The following COG5 variants were observed in gnomAD, a reference collection of about 807,000 sequenced individuals.
COG5 encodes the protein component of oligomeric golgi complex 5, also known as conserved oligomeric Golgi complex subunit 5.
In COG5, 86 loss-of-function variants were observed where a neutral mutation model predicts 110.4. The observed-to-expected ratio is 0.78, with a 90% confidence interval of 0.65 to 0.93. COG5 has a LOEUF of 0.93. Ranked by LOEUF, COG5 falls within the 40% of genes least tolerant of loss-of-function variation. The probability of loss-of-function intolerance (pLI) is 0.00; values close to 1 mark genes in which losing one functional copy is unlikely to be tolerated. For synonymous variants in COG5, 360 were observed against 334.6 expected (o/e 1.08, Z -0.83); for missense variants, 1,077 against 987.0 (o/e 1.09, Z -1.22).
At position 107,376,536 on chromosome 7, in the gene COG5, G is replaced by T. The variant is rs538630229; in HGVS notation, c.670-3776C>A. Among the ~76,000 whole-genome samples the T allele has an allele frequency of 2.0e-5, 3 of 151,656 alleles. No homozygotes were observed. In the East Asian group the frequency reaches 5.8e-4, roughly 29 times the overall value. ...TTTCTATTATTTTTTGATATAAATTGTATGTTTTTAAATTTTTTGTAAACA... is the reference window on the plus strand; with the variant it reads ...TTTCTATTATTTTTTGATATAAATTTTATGTTTTTAAATTTTTTGTAAACA... On this transcript the variant is annotated intron_variant, in intron 7 of 21. Transcript: ENST00000297135.
intron 14 of COG5, among the ~76,000 whole-genome samples, chr7:107,274,344 CT>C (rs1259865936): frequency 6.6e-6 from 1 of 152,094 alleles, no homozygotes; most frequent in East Asian, 1.9e-4. Context: ...CATGAGCTCT[CT>C]TTTTTCATTG....
At chr7:107,271,424 T>C (rs1381461705) in intron 14 of COG5, among the ~76,000 whole-genome samples, 1 of 152,128 alleles carries the variant, frequency 6.6e-6, no homozygotes, top group East Asian at 1.9e-4. Flanking sequence ...GAATAGTATA[T>C]ATACCATCAT....
At chr7:107,472,466 T>C (rs1454514342) in intron 6 of COG5, 3 of 152,002 alleles carry the variant, frequency 2.0e-5, no homozygotes, top group African/African-American at 4.8e-5. Context: ...AATCTTGCTC[T>C]AGAGAAAATG....
intron 6 of COG5, chr7:107,449,998 G>C (rs974391132): frequency 6.6e-6 from 1 of 152,158 alleles, no homozygotes; most frequent in African/African-American, 2.4e-5. Flanking sequence ...TCCCAGCAAA[G>C]GATGGTTTAA....
At position 107,299,368 on chromosome 7, in the gene COG5, A is replaced by T. The variant is rs907143333; in HGVS notation, c.1109-1022T>A. On this transcript the variant is annotated intron_variant, in intron 11 of 21. Transcript: ENST00000297135. ...CATTACATATTACAAAATATTCTGC[A>T]GATACTGAAAGGGTAATAAAGGAAT... Among the ~76,000 whole-genome samples, 4 of 152,262 alleles carry T rather than the reference A, an allele frequency of 2.6e-5. No homozygotes were observed. In the South Asian group the frequency reaches 6.2e-4, roughly 24 times the overall value.
At chr7:107,332,917 T>G (rs541010897) in intron 10 of COG5, among the ~76,000 whole-genome samples, 3 of 151,756 alleles carry the variant, frequency 2.0e-5, no homozygotes, top group South Asian at 4.2e-4. Context: ...AAAACAAAAG[T>G]GAAAACTAAG....
intron 14 of COG5, among the ~76,000 whole-genome samples, chr7:107,263,083 A>G (rs1408104751): frequency 1.3e-5 from 2 of 152,198 alleles, no homozygotes; most frequent in African/African-American, 4.8e-5. Context: ...AATGAGAACA[A>G]AACGCTAGTG....
rs565902066 is a variant in COG5 at position 107,310,994 on chromosome 7, AGTTT to A, written c.1109-12652_1109-12649del. Among the ~76,000 whole-genome samples the A allele has an allele frequency of 9.8e-5, 15 of 152,288 alleles. No individual in the cohort carries two copies. In the South Asian group the frequency reaches 1.0e-3, roughly 11 times the overall value. On this transcript the variant is annotated intron_variant, in intron 11 of 21. Transcript: ENST00000297135. ...ACATTCCGTTCTGTGGATTCAACAT[AGTTT>A]GTTTAACTAATGTCACAATAATGAA...
chr7:107,507,467 G>GTTT (rs1489778471), intron 6 of COG5, among the ~76,000 whole-genome samples: 1 of 112,570 alleles, frequency 8.9e-6, no homozygotes, highest in East Asian at 2.6e-4. Context: ...CTAATTTTTT[G>GTTT]TATTTTTTTT....
intron 12 of COG5, among the ~76,000 whole-genome samples, chr7:107,287,233 G>T (rs1160808629): frequency 6.6e-6 from 1 of 152,192 alleles, no homozygotes; most frequent in African/African-American, 2.4e-5. Flanking sequence ...TAGTGTTATG[G>T]TTAGGCCCTT....
In COG5 at chr7:107,256,768, T is replaced by C; in HGVS notation, c.1713A>G (p.Pro571=). 1 of 1,611,340 alleles carries C rather than the reference T, an allele frequency of 6.2e-7. No homozygotes were observed. Among genetic ancestry groups the C allele is most frequent in the Non-Finnish European group, 8.5e-7 (1 of 1,178,192 alleles). The change falls in exon 16 of 22, where the codon CCA becomes CCG. Residue 571 remains proline (P), a synonymous_variant. Transcript: ENST00000297135. ...AAATTATAGTTTGCTCAGCTGCCAGTGGGAATGAGCTCTGACTGGAAACAA... is the reference window on the plus strand; with the variant it reads ...AAATTATAGTTTGCTCAGCTGCCAGCGGGAATGAGCTCTGACTGGAAACAA... The part of the protein sequence containing the change: ...TKVVSSQSSF[P]LAAEQTIISA...
intron 1 of COG5, among the ~76,000 whole-genome samples, chr7:107,561,570 G>C (rs987181942): frequency 1.3e-5 from 2 of 152,206 alleles, no homozygotes; most frequent in Non-Finnish European, 2.9e-5. Context: ...GTGCAAGAAA[G>C]TCATTGAAAA....
intron 2 of COG5, 79 bp downstream of exon 2, chr7:107,557,897 G>T: frequency 6.7e-7 from 1 of 1,493,532 alleles, no homozygotes; most frequent in Non-Finnish European, 9.3e-7. Flanking sequence ...ATATGCATTT[G>T]TATTTAATAA....
chr7:107,541,523 A>AAAAAAAAAAATATATAT (rs60423657), intron 5 of COG5, among the ~76,000 whole-genome samples: 1 of 57,022 alleles, frequency 1.8e-5, no homozygotes, highest in Non-Finnish European at 3.3e-5. Context: ...AAAAAAAAAA[A>AAAAAAAAAAATATATAT]ATATATATAT....
intron 6 of COG5, among the ~76,000 whole-genome samples, chr7:107,442,315 A>C (rs1271885777): frequency 3.3e-5 from 5 of 152,188 alleles, no homozygotes; most frequent in Non-Finnish European, 7.4e-5. Flanking sequence ...CCCTAGAAGC[A>C]GAAGAATGTA....
At chr7:107,362,005 A>T in intron 10 of COG5, 28 bp downstream of exon 10, 1 of 1,434,626 alleles carries the variant, frequency 7.0e-7, no homozygotes, top group Non-Finnish European at 9.7e-7. Flanking sequence ...TACAAGAAAG[A>T]TGTAAAAATA....
intron 11 of COG5, among the ~76,000 whole-genome samples, chr7:107,317,868 C>G (rs1185408583): frequency 6.6e-6 from 1 of 152,172 alleles, no homozygotes; most frequent in Non-Finnish European, 1.5e-5. Flanking sequence ...CGGTCTTATT[C>G]TGTGGAGTTC....
At chr7:107,207,334 A>G (rs1798857247) in intron 21 of COG5, among the ~76,000 whole-genome samples, 1 of 152,184 alleles carries the variant, frequency 6.6e-6, no homozygotes, top group African/African-American at 2.4e-5. Flanking sequence ...GCAGAAGTAC[A>G]GAGGAGCTGA....
chr7:107,485,829 A>G (rs1023656811), intron 6 of COG5, among the ~76,000 whole-genome samples: 2 of 152,192 alleles, frequency 1.3e-5, no homozygotes, highest in African/African-American at 4.8e-5. Context: ...GCAAAATATC[A>G]TAAGAATATA....
Sources: allele counts gnomAD v4.1 joint callset (sites outside exome capture counted in the v4.1 genomes callset), GRCh38; gene constraint gnomAD v4.1.1; transcripts MANE v1.5; gene names NCBI Gene and HGNC (gene_info 2026-07-23, HGNC 2026-07-21).